Variants in MYO1H observed in about 807,000 individuals in gnomAD.
The protein encoded by MYO1H is myosin IH.
MYO1H carries 118 observed loss-of-function variants against 149.3 expected under a neutral mutation model. That is an observed-to-expected ratio of 0.79 (90% CI 0.68 to 0.92). The LOEUF (loss-of-function observed/expected upper bound fraction) is 0.92, where lower values mean the gene tolerates loss of function less well. Among genes scored for constraint, MYO1H ranks in the 40% least tolerant of loss-of-function variants. The pLI is 0.00. For synonymous variants in MYO1H, 447 were observed against 465.2 expected, an observed-to-expected ratio of 0.96 and a Z score of 0.50; for missense variants, 1,212 against 1,280.7, an observed-to-expected ratio of 0.95 and a Z score of 0.82.
At chr12:109,358,004 C>G (rs1868646874) in intron 1 of MYO1H, among the ~76,000 whole-genome samples, 2 of 151,624 alleles carry the variant, frequency 1.3e-5, no homozygotes, top group Non-Finnish European at 2.9e-5. Flanking sequence ...GCTGATTTTT[C>G]ATGCAGAGCA....
chr12:109,411,667 G>A (rs1377010520), intron 13 of MYO1H, among the ~76,000 whole-genome samples: 1 of 152,120 alleles, frequency 6.6e-6, no homozygotes, highest in Non-Finnish European at 1.5e-5. Flanking sequence ...TCAGAGTGTT[G>A]CCTTTTCATG....
Position 109,348,006 on chromosome 12 carries a change from C to T in MYO1H, c.12+34C>T, listed in dbSNP as rs1868374908. 1.8e-5 allele frequency: 7 copies of T among 398,950 alleles called. No individual in the cohort carries two copies. The East Asian group carries it at 2.5e-4, about 14-fold the overall frequency. 24.7% of individuals were successfully genotyped at this position (398,950 alleles called of 1,614,324 possible). The stretch of plus-strand genomic sequence containing the variant: ...ACTTGAACACTAGAAGGTGGTTACA[C>T]CTGGTGACCTCTTTTCTACCAAGAA... On this transcript the variant is annotated intron_variant, in intron 1 of 31. Coordinates refer to ENST00000310903, the Ensembl canonical transcript of MYO1H.
chr12:109,366,353 A>G (rs1356332075), intron 1 of MYO1H, among the ~76,000 whole-genome samples: 1 of 152,234 alleles, frequency 6.6e-6, no homozygotes, highest in Non-Finnish European at 1.5e-5. Flanking sequence ...TGCCTGAAGT[A>G]AAGGGATCCA....
chr12:109,425,233 G>T (rs1340359854), intron 17 of MYO1H, among the ~76,000 whole-genome samples: 5 of 152,340 alleles, frequency 3.3e-5, no homozygotes, highest in South Asian at 4.1e-4. Flanking sequence ...ACTTTCGGAG[G>T]CTGAGGCAGG....
At chr12:109,349,926 A>C (rs1592776053) in intron 1 of MYO1H, among the ~76,000 whole-genome samples, 1 of 148,906 alleles carries the variant, frequency 6.7e-6, no homozygotes, top group Admixed American at 6.7e-5. Context: ...ACGCCACTGC[A>C]CTCCAGCCTG....
At chr12:109,313,690 A>G in the MYO1H span, among the ~76,000 whole-genome samples, 3 of 152,332 alleles carry the variant, frequency 2.0e-5, no homozygotes, top group East Asian at 3.9e-4. Flanking sequence ...TCTACTTCCC[A>G]GAAAAGTGGA....
intron 1 of MYO1H, among the ~76,000 whole-genome samples, chr12:109,365,757 C>T (rs1868852709): frequency 6.6e-6 from 1 of 152,186 alleles, no homozygotes; most frequent in South Asian, 2.1e-4. Flanking sequence ...ATGCAGGCTG[C>T]ATGATGGAAC....
intron 1 of MYO1H, among the ~76,000 whole-genome samples, chr12:109,362,134 C>T (rs1384701902): frequency 2.0e-5 from 3 of 152,198 alleles, no homozygotes; most frequent in Admixed American, 2.0e-4. Context: ...CTTAGTAATT[C>T]TGTCAGCAAA....
intron 1 of MYO1H, among the ~76,000 whole-genome samples, chr12:109,379,112 C>A (rs1366930774): frequency 6.6e-6 from 1 of 152,218 alleles, no homozygotes; most frequent in Non-Finnish European, 1.5e-5. Context: ...ATACAAATTT[C>A]AGTTCCTCAG....
the MYO1H span, among the ~76,000 whole-genome samples, chr12:109,337,803 T>C: frequency 6.6e-6 from 1 of 152,116 alleles, no homozygotes. Context: ...ATGTACTCAT[T>C]TGTGATCACA....
chr12:109,444,517 T>C (rs1420820549), exon 30 of MYO1H: 1 of 1,613,654 alleles, frequency 6.2e-7, no homozygotes. Flanking sequence ...ATTGTCAATG[T>C]TGTTCAAGGA....
At chr12:109,443,262 G>T (rs140734263) in intron 27 of MYO1H, among the ~76,000 whole-genome samples, 1 of 69,306 alleles carries the variant, frequency 1.4e-5, no homozygotes, top group Non-Finnish European at 3.0e-5. Context: ...ATATGTGTAC[G>T]TATATGTGTG....
At chr12:109,448,114 T>A (rs1872566787) in exon 32 of MYO1H, 1 of 151,202 alleles carries the variant, frequency 6.6e-6, no homozygotes, top group African/African-American at 2.4e-5. Context: ...TAAATATACG[T>A]GTAGCTCATG....
At chr12:109,426,191 G>A (rs2135579464) in intron 18 of MYO1H, 140 bp downstream of exon 18, 1 of 680,876 alleles carries the variant, frequency 1.5e-6, no homozygotes, top group Non-Finnish European at 2.6e-6. Flanking sequence ...CTTTCTAAAT[G>A]ATAGAAGTTG....
intron 21 of MYO1H, among the ~76,000 whole-genome samples, chr12:109,435,422 A>G (rs6606717): frequency 6.6e-6 from 1 of 152,010 alleles, no homozygotes; most frequent in Non-Finnish European, 1.5e-5. Flanking sequence ...ATTAAAGTTT[A>G]CAAAACTTCA....
chr12:109,368,195 G>A (rs1868908163), intron 1 of MYO1H, among the ~76,000 whole-genome samples: 1 of 152,210 alleles, frequency 6.6e-6, no homozygotes, highest in African/African-American at 2.4e-5. Context: ...AACAAAGTTA[G>A]TTTATAGGAC....
chr12:109,405,077 G>C (rs1870319735), intron 7 of MYO1H, among the ~76,000 whole-genome samples: 3 of 152,016 alleles, frequency 2.0e-5, no homozygotes, highest in African/African-American at 7.2e-5. Flanking sequence ...GCTAGGCATG[G>C]TGGTGCATGC....
chr12:109,322,414 C>T, the MYO1H span, among the ~76,000 whole-genome samples: 1 of 152,128 alleles, frequency 6.6e-6, no homozygotes, highest in African/African-American at 2.4e-5. Flanking sequence ...TTAATTTAAC[C>T]GTATTAATGC....
At chr12:109,334,797 T>TA in the MYO1H span, among the ~76,000 whole-genome samples, 1 of 152,232 alleles carries the variant, frequency 6.6e-6, no homozygotes, top group African/African-American at 2.4e-5. Flanking sequence ...TCACATACCA[T>TA]AAAACTTGCC....
Sources: gnomAD v4.1 joint callset for allele counts (sites outside exome capture counted in the v4.1 genomes callset) on GRCh38, gnomAD v4.1.1 for gene constraint, MANE v1.5 for transcripts, NCBI Gene and HGNC (gene_info 2026-07-23, HGNC 2026-07-21) for gene names.